FILIP1: variants seen among roughly 807,000 people sequenced by gnomAD.
FILIP1 encodes filamin A interacting protein 1, also known as filamin-A-interacting protein 1.
In FILIP1, 61 loss-of-function variants were observed where a neutral mutation model predicts 102.1. The observed-to-expected ratio is 0.60, with a 90% CI of 0.49 to 0.74. FILIP1 has a LOEUF of 0.74. Ranked by LOEUF, FILIP1 falls within the 30% of genes least tolerant of loss-of-function variation. The pLI is 0.00. For missense variants in FILIP1, 1,314 were observed against 1,441.2 expected (o/e 0.91, Z 1.43); for synonymous variants, 491 against 526.9 (o/e 0.93, Z 0.93).
chr6:75,316,523 G>A (rs999955255), intron 4 of FILIP1, among the ~76,000 whole-genome samples: 24 of 152,004 alleles, frequency 1.6e-4, no homozygotes, highest in African/African-American at 5.1e-4. Flanking sequence ...CTGACTGAAA[G>A]CTGGTGTACA....
chr6:75,465,729 C>T (rs573216562), intron 1 of FILIP1, among the ~76,000 whole-genome samples: 8 of 152,264 alleles, frequency 5.3e-5, no homozygotes, highest in African/African-American at 1.9e-4. Context: ...AAAAATGACA[C>T]TAATTTTTGT....
At chr6:75,320,157 C>T (rs758818797) in intron 4 of FILIP1, among the ~76,000 whole-genome samples, 1 of 152,166 alleles carries the variant, frequency 6.6e-6, no homozygotes, top group Non-Finnish European at 1.5e-5. Flanking sequence ...CCATGTTTGT[C>T]TTGTTTGCCC....
chr6:75,406,022 C>T (rs1776833379), intron 2 of FILIP1, among the ~76,000 whole-genome samples: 1 of 152,198 alleles, frequency 6.6e-6, no homozygotes, highest in Non-Finnish European at 1.5e-5. Flanking sequence ...ACTAAAACTG[C>T]TCTGACAAAT....
chr6:75,314,991 TCTC>T lies in FILIP1; in HGVS notation c.838_840del (p.Glu280del), dbSNP rs1562445338. 6.2e-7 allele frequency: 1 copy of T among 1,613,984 alleles called. No homozygotes were observed. Among genetic ancestry groups the T allele is most frequent in the East Asian group, 2.2e-5 (1 of 44,882 alleles). ...GATTTGGAAGTAATGGCTTTGAGCT[TCTC>T]TTCTTCTTCCCTCAGCTTCTGAGTA... On this transcript the variant is annotated inframe_deletion, in exon 5 of 6. Transcript: ENST00000237172.
chr6:75,466,328 G>T (rs1180168206), intron 1 of FILIP1, among the ~76,000 whole-genome samples: 1 of 152,122 alleles, frequency 6.6e-6, no homozygotes, highest in Non-Finnish European at 1.5e-5. Flanking sequence ...AATAATCTTG[G>T]TCTGTTCACT....
intron 6 of FILIP1, among the ~76,000 whole-genome samples, chr6:75,302,024 G>C (rs1197617075): frequency 6.6e-6 from 1 of 152,128 alleles, no homozygotes; most frequent in Non-Finnish European, 1.5e-5. Context: ...TTCTTGAAGT[G>C]CCTTTGTGTT....
chr6:75,395,197 C>T (rs1776419848), intron 2 of FILIP1, among the ~76,000 whole-genome samples: 1 of 152,080 alleles, frequency 6.6e-6, no homozygotes, highest in African/African-American at 2.4e-5. Flanking sequence ...TATATGCTTC[C>T]ATATATTATA....
At chr6:75,457,968 CA>C (rs1489759243) in intron 1 of FILIP1, among the ~76,000 whole-genome samples, 1 of 152,036 alleles carries the variant, frequency 6.6e-6, no homozygotes, top group Non-Finnish European at 1.5e-5. Context: ...AATTTTGTGC[CA>C]CCACCTCACC....
At chr6:75,371,558 C>G (rs1331738064) in intron 2 of FILIP1, among the ~76,000 whole-genome samples, 1 of 152,186 alleles carries the variant, frequency 6.6e-6, no homozygotes, top group East Asian at 1.9e-4. Flanking sequence ...TCTCACATTT[C>G]CTGATTTCAA....
At chr6:75,364,931 G>A (rs1022752718) in intron 2 of FILIP1, among the ~76,000 whole-genome samples, 3 of 152,146 alleles carry the variant, frequency 2.0e-5, no homozygotes, top group Admixed American at 1.3e-4. Flanking sequence ...ATCTGAAAGA[G>A]ACAAACTCGT....
At chr6:75,479,266 T>G (rs575412521) in intron 1 of FILIP1, among the ~76,000 whole-genome samples, 54 of 152,340 alleles carry the variant, frequency 3.5e-4, no homozygotes, top group African/African-American at 1.3e-3. Flanking sequence ...TTAGATTTTT[T>G]TATTTCTCAA....
chr6:75,300,378 G>A (rs1345631611), intron 6 of FILIP1, among the ~76,000 whole-genome samples: 1 of 152,082 alleles, frequency 6.6e-6, no homozygotes, highest in Non-Finnish European at 1.5e-5. Flanking sequence ...CCCACCAGGG[G>A]CTCTGCCTAG....
chr6:75,439,016 T>C (rs1488124085), intron 1 of FILIP1, among the ~76,000 whole-genome samples: 1 of 152,192 alleles, frequency 6.6e-6, no homozygotes, highest in Admixed American at 6.5e-5. Context: ...TAGGCCAATA[T>C]TATACTCTCC....
At chr6:75,345,012 A>G (rs996529249) in intron 4 of FILIP1, among the ~76,000 whole-genome samples, 2 of 152,170 alleles carry the variant, frequency 1.3e-5, no homozygotes, top group African/African-American at 2.4e-5. Flanking sequence ...ATGAACATCT[A>G]CCCTTACTGG....
intron 1 of FILIP1, among the ~76,000 whole-genome samples, chr6:75,457,110 T>A (rs1778862921): frequency 6.6e-6 from 1 of 152,160 alleles, no homozygotes; most frequent in Admixed American, 6.5e-5. Context: ...ATTTTACGAG[T>A]TTCAACATCC....
At chr6:75,432,394 G>C (rs1413521728) in intron 1 of FILIP1, among the ~76,000 whole-genome samples, 3 of 152,212 alleles carry the variant, frequency 2.0e-5, no homozygotes, top group African/African-American at 7.2e-5. Flanking sequence ...AGGAGTTGTA[G>C]ATGATTTGTG....
Position 75,312,599 on chromosome 6 carries a change from G to A in FILIP1, c.3233C>T (p.Ser1078Phe). 6.2e-7 allele frequency: 1 copy of A among 1,614,144 alleles called. No homozygotes were observed. Among genetic ancestry groups the A allele is most frequent in the Non-Finnish European group, 8.5e-7 (1 of 1,180,032 alleles). The change falls in exon 5 of 6, where the codon TCC (serine) becomes TTC (phenylalanine). Residue 1078 changes from serine (S) to phenylalanine (F), a missense_variant. This residue lies in a region of FILIP1 where 816 missense variants were observed against 913.1 expected (regional missense o/e 0.89). Transcript: ENST00000237172. Reference sequence around the variant, plus strand: ...GACTCCTTCACCTGAAGTCCCAGGGGACCGTTTAAACTGAGACCCTAAGTG... The same window carrying A: ...GACTCCTTCACCTGAAGTCCCAGGGAACCGTTTAAACTGAGACCCTAAGTG... ...HIHLGSQFKR[S>F]PGTSGEGVSP...
chr6:75,362,921 T>C lies in FILIP1; in HGVS notation c.277-4A>G. ...TGTGGATCACATCTTCTCTGGCCTG[T>C]AATAGAAAGTGCAGCAAGATCAGAC... On this transcript the variant is annotated splice_region_variant and splice_polypyrimidine_tract_variant and intron_variant, in intron 2 of 5. Coordinates refer to ENST00000237172, the MANE Select transcript of FILIP1 (RefSeq NM_015687.5). 6.2e-7 allele frequency: 1 copy of C among 1,612,776 alleles called. No individual in the cohort carries two copies. The highest frequency in any genetic ancestry group is 8.5e-7 in the Non-Finnish European group (1 of 1,179,422).
At position 75,425,705 on chromosome 6, in the gene FILIP1, A is replaced by C. The variant is rs575836581; in HGVS notation, c.-6-10727T>G. Among the ~76,000 whole-genome samples, 6 of 152,260 alleles carry C rather than the reference A, an allele frequency of 3.9e-5. No homozygotes were observed. In the East Asian group the frequency reaches 1.2e-3, roughly 29 times the overall value. ...CAAGTCACTTAACTCTCCAACCCAC[A>C]GTGTCCTCATCTGTAAAATGAGGAC... On this transcript the variant is annotated intron_variant, in intron 1 of 5. Transcript: ENST00000237172.
Sources: allele counts gnomAD v4.1 joint callset (sites outside exome capture counted in the v4.1 genomes callset), GRCh38; gene constraint gnomAD v4.1.1; regional missense constraint gnomAD v4.1.1; transcripts MANE v1.5; gene names NCBI Gene and HGNC (gene_info 2026-07-23, HGNC 2026-07-21).